SLC35F5: variants seen among roughly 807,000 people sequenced by gnomAD.
SLC35F5 encodes the protein solute carrier family 35 member F5, also known as HCV NS5A-transactivated protein 3.
SLC35F5 carries 54 observed loss-of-function variants against 68.6 expected under a neutral mutation model. That is an observed-to-expected ratio of 0.79 (90% CI 0.63 to 0.99). SLC35F5 has a LOEUF of 0.99. Ranked by LOEUF, SLC35F5 falls within the 50% of genes least tolerant of loss-of-function variation. The probability of loss-of-function intolerance (pLI) is 0.00; values close to 1 mark genes in which losing one functional copy is unlikely to be tolerated. For missense variants in SLC35F5, 567 were observed against 626.9 expected (o/e 0.90, Z 1.02); for synonymous variants, 211 against 205.2 (o/e 1.03, Z -0.24).
Position 113,735,817 on chromosome 2 carries a change from G to A in SLC35F5, c.792C>T (p.Asp264=). The stretch of plus-strand genomic sequence containing the variant: ...AAATATTAACTATAGCAACTTGTGT[G>A]TCTGAAAGTGCTTCTTGATATGACA... ...ANLSYQEALS[D]TQVAIVNILS... The change falls in exon 8 of 16, where the codon GAC becomes GAT. Residue 264 remains aspartate (D), a synonymous_variant. Transcript: ENST00000245680. The A allele has an allele frequency of 6.2e-7, 1 of 1,609,480 alleles. No homozygotes were observed. The highest frequency in any genetic ancestry group is 8.5e-7 in the Non-Finnish European group (1 of 1,178,292).
intron 11 of SLC35F5, among the ~76,000 whole-genome samples, chr2:113,728,266 A>G (rs1687745539): frequency 1.3e-5 from 2 of 152,278 alleles, no homozygotes; most frequent in South Asian, 4.1e-4. Flanking sequence ...CAAGTATTTA[A>G]TCTATTTTTA....
chr2:113,734,707 G>A (rs777860121), intron 8 of SLC35F5, 34 bp from the exon 9 acceptor site: 2 of 1,299,232 alleles, frequency 1.5e-6, no homozygotes, highest in South Asian at 2.5e-5. Context: ...AATGGTACAT[G>A]AGTTTAAATA....
At chr2:113,720,861 T>G (rs1209508727) in intron 13 of SLC35F5, among the ~76,000 whole-genome samples, 1 of 152,168 alleles carries the variant, frequency 6.6e-6, no homozygotes, top group African/African-American at 2.4e-5. Flanking sequence ...CAAGTTCACT[T>G]TCCACAATGT....
At chr2:113,733,796 T>C (rs183179962) in intron 9 of SLC35F5, among the ~76,000 whole-genome samples, 155 of 152,098 alleles carry the variant, frequency 1.0e-3, no homozygotes, top group African/African-American at 3.4e-3. Context: ...CCTTTCAGAG[T>C]TTAAGAAAAC....
rs1687103330 is a variant in SLC35F5 at position 113,714,446 on chromosome 2, T to A, written c.*772A>T. 1 of 152,146 alleles carries A rather than the reference T, an allele frequency of 6.6e-6. No individual in the cohort carries two copies. The highest frequency in any genetic ancestry group is 1.9e-4 in the East Asian group (1 of 5,204). The allele number at this position is 152,146 out of a possible 1,614,324, so 9.4% of individuals were successfully genotyped here. On this transcript the variant is annotated 3_prime_UTR_variant, in exon 16 of 16. Transcript: ENST00000245680. The stretch of plus-strand genomic sequence containing the variant: ...ATTTCTTAATTGAAGGGAGACTATT[T>A]CTTCAAAACTCTAAATTAAACAGAG...
chr2:113,741,080 A>G (rs1256214303), intron 7 of SLC35F5, among the ~76,000 whole-genome samples: 1 of 152,258 alleles, frequency 6.6e-6, no homozygotes, highest in Non-Finnish European at 1.5e-5. Flanking sequence ...TATCTGTACA[A>G]TGAAATATTA....
At chr2:113,735,207 T>A (rs1688039424) in intron 8 of SLC35F5, among the ~76,000 whole-genome samples, 1 of 152,210 alleles carries the variant, frequency 6.6e-6, no homozygotes, top group South Asian at 2.1e-4. Flanking sequence ...AACTGTAATA[T>A]GTTGTTATAT....
At chr2:113,702,982 C>T (rs865888731), downstream of SLC35F5, among the ~76,000 whole-genome samples, 1 of 152,024 alleles carries the variant, frequency 6.6e-6, no homozygotes, top group Non-Finnish European at 1.5e-5. Context: ...TGTTGGTGTG[C>T]ACCTGTAGTC....
intron 7 of SLC35F5, among the ~76,000 whole-genome samples, chr2:113,738,132 T>C (rs1468736148): frequency 6.6e-6 from 1 of 151,856 alleles, no homozygotes; most frequent in Non-Finnish European, 1.5e-5. Context: ...CTTAAGAATC[T>C]GCTCTTATCA....
rs980421544 is a variant in SLC35F5, at chr2:113,715,575, T to C, written c.*23-380A>G. Among the ~76,000 whole-genome samples the C allele has an allele frequency of 3.9e-5, 6 of 152,272 alleles. No homozygotes were observed. The East Asian group carries it at 1.2e-3, about 29-fold the overall frequency. On this transcript the variant is annotated intron_variant, in intron 15 of 15. Coordinates refer to ENST00000245680, the MANE Select transcript of SLC35F5 (RefSeq NM_025181.5). The stretch of plus-strand genomic sequence containing the variant: ...AAAAATACTGAAACCTTGCTGGATA[T>C]GGGTAGGTTTAAGTGTGAGTACGAG...
At chr2:113,740,446 AC>A (rs1676216357) in intron 7 of SLC35F5, among the ~76,000 whole-genome samples, 1 of 152,230 alleles carries the variant, frequency 6.6e-6, no homozygotes, top group Non-Finnish European at 1.5e-5. Context: ...TTATGTAATA[AC>A]ACTAGTCTTT....
chr2:113,749,298 G>A (rs1676643043), intron 4 of SLC35F5, among the ~76,000 whole-genome samples: 1 of 152,226 alleles, frequency 6.6e-6, no homozygotes, highest in South Asian at 2.1e-4. Context: ...GCCAGACTTT[G>A]AGATCAGCCT....
At chr2:113,718,984 T>A (rs1687317645) in intron 14 of SLC35F5, among the ~76,000 whole-genome samples, 170 bp downstream of exon 14, 1 of 151,824 alleles carries the variant, frequency 6.6e-6, no homozygotes, top group African/African-American at 2.4e-5. Context: ...GAAAGAATCT[T>A]ATTACCCAAA....
chr2:113,754,613 C>T (rs1676891598), intron 3 of SLC35F5, among the ~76,000 whole-genome samples: 1 of 152,090 alleles, frequency 6.6e-6, no homozygotes, highest in Non-Finnish European at 1.5e-5. Flanking sequence ...AATAAAGACA[C>T]AATTTAACTG....
chr2:113,743,870 C>A, intron 5 of SLC35F5, 76 bp from the exon 6 acceptor site: 1 of 1,184,018 alleles, frequency 8.4e-7, no homozygotes, highest in South Asian at 1.6e-5. Flanking sequence ...ATGGATAGTA[C>A]GTAGACACAA....
At chr2:113,755,737 A>C in intron 1 of SLC35F5, 193 bp from the exon 2 acceptor site, 1 of 1,074,492 alleles carries the variant, frequency 9.3e-7, no homozygotes, top group Non-Finnish European at 1.4e-6. Context: ...ACTTAGAGAG[A>C]TACGCGATAC....
chr2:113,711,537 T>C lies in SLC35F5; in HGVS notation c.*3681A>G, dbSNP rs180764217. On this transcript the variant is annotated 3_prime_UTR_variant, in exon 16 of 16. Coordinates refer to ENST00000245680, the MANE Select transcript of SLC35F5 (RefSeq NM_025181.5). ...ATAAAAAAAATGTGGTGTCTAAAAATTGCAAGTCTATGTGAAAAATCAACC... is the reference window on the plus strand; with the variant it reads ...ATAAAAAAAATGTGGTGTCTAAAAACTGCAAGTCTATGTGAAAAATCAACC... Among the ~76,000 whole-genome samples, 3 of 152,294 alleles carry C rather than the reference T, an allele frequency of 2.0e-5. No homozygotes were observed. Among genetic ancestry groups the C allele is most frequent in the African/African-American group, 7.2e-5 (3 of 41,568 alleles).
intron 13 of SLC35F5, among the ~76,000 whole-genome samples, chr2:113,722,707 A>G (rs889564656): frequency 1.3e-5 from 2 of 152,224 alleles, no homozygotes; most frequent in African/African-American, 2.4e-5. Context: ...AGAGATGGCT[A>G]ACTTTTACTG....
chr2:113,752,175 G>A (rs1244941555), intron 3 of SLC35F5, among the ~76,000 whole-genome samples: 1 of 147,166 alleles, frequency 6.8e-6, no homozygotes, highest in Non-Finnish European at 1.5e-5. Flanking sequence ...TAGTGCCATT[G>A]CACTCCAGCC....
Sources: gnomAD v4.1 joint callset for allele counts (sites outside exome capture counted in the v4.1 genomes callset) on GRCh38, gnomAD v4.1.1 for gene constraint, MANE v1.5 for transcripts, NCBI Gene and HGNC (gene_info 2026-07-23, HGNC 2026-07-21) for gene names.